TMEM178B: variants seen among roughly 807,000 people sequenced by gnomAD.
The protein encoded by TMEM178B is transmembrane protein 178B.
TMEM178B carries 5 observed loss-of-function variants against 31.0 expected under a neutral mutation model. That is an observed-to-expected ratio of 0.16 (90% CI 0.08 to 0.34). TMEM178B has a LOEUF of 0.34. TMEM178B is among the 10% of genes least tolerant of loss of function. The pLI is 1.00. For synonymous variants in TMEM178B, 164 were observed against 164.0 expected, an observed-to-expected ratio of 1.00 and a Z score of 0.00; for missense variants, 275 against 400.3, an observed-to-expected ratio of 0.69 and a Z score of 2.67.
chr7:141,122,047 C>G (rs1795416392), intron 1 of TMEM178B, among the ~76,000 whole-genome samples: 1 of 152,074 alleles, frequency 6.6e-6, no homozygotes. Flanking sequence ...AGGAGAAAAA[C>G]AAGTGTTATT....
At chr7:141,226,621 G>T (rs1255229468) in intron 2 of TMEM178B, among the ~76,000 whole-genome samples, 1 of 152,128 alleles carries the variant, frequency 6.6e-6, no homozygotes, top group Non-Finnish European at 1.5e-5. Context: ...GGGAGGCTAA[G>T]GCAGGTGGAT....
chr7:141,419,658 C>G (rs75869814), intron 2 of TMEM178B, among the ~76,000 whole-genome samples: 2,230 of 152,312 alleles, frequency 0.015, 34 homozygotes, highest in Non-Finnish European at 0.022. Flanking sequence ...AATCCAAGCT[C>G]TAAGCATGGC....
At chr7:141,208,482 T>C (rs1797001396) in intron 1 of TMEM178B, among the ~76,000 whole-genome samples, 1 of 152,250 alleles carries the variant, frequency 6.6e-6, no homozygotes, top group African/African-American at 2.4e-5. Context: ...CCCAGCACAC[T>C]GACAGGACCT....
chr7:141,256,699 A>G (rs1053878538), intron 2 of TMEM178B, among the ~76,000 whole-genome samples: 11 of 152,106 alleles, frequency 7.2e-5, no homozygotes, highest in African/African-American at 2.7e-4. Flanking sequence ...AGGGAGAAGG[A>G]TGGAAGGAAG....
At position 141,478,765 on chromosome 7, in the gene TMEM178B, G is replaced by C. The variant is rs1326643138; in HGVS notation, c.*7979G>C. The C allele has an allele frequency of 3.3e-5, 5 of 152,056 alleles. No individual in the cohort carries two copies. The highest frequency in any genetic ancestry group is 7.3e-5 in the Non-Finnish European group (5 of 68,034). 9.4% of individuals were successfully genotyped at this position (152,056 alleles called of 1,614,324 possible). On this transcript the variant is annotated 3_prime_UTR_variant, in exon 4 of 4. Coordinates refer to ENST00000565468, the MANE Select transcript of TMEM178B (RefSeq NM_001195278.2). The stretch of plus-strand genomic sequence containing the variant: ...TCAGTCTGGCCCAGCCCTATTTCCA[G>C]TGTTCAATAGCCACACCTGACTACT...
chr7:141,329,142 G>A (rs964350321), intron 2 of TMEM178B, among the ~76,000 whole-genome samples: 4 of 152,134 alleles, frequency 2.6e-5, no homozygotes, highest in African/African-American at 9.7e-5. Context: ...TCCCTGAGGG[G>A]CACATCTGTT....
chr7:141,432,910 G>A (rs1801463242), intron 2 of TMEM178B, among the ~76,000 whole-genome samples: 1 of 152,204 alleles, frequency 6.6e-6, no homozygotes, highest in African/African-American at 2.4e-5. Flanking sequence ...GCTAGTGTCT[G>A]TAGGTCTTTC....
rs993500517 is a variant in TMEM178B, at chr7:141,479,269, A to C, written c.*8483A>C. 1 of 152,322 alleles carries C rather than the reference A, an allele frequency of 6.6e-6. No homozygotes were observed. Among genetic ancestry groups the C allele is most frequent in the Middle Eastern group, 3.4e-3 (1 of 294 alleles). 9.4% of individuals were successfully genotyped at this position (152,322 alleles called of 1,614,324 possible). ...CCTGGGCCAGTCACCTGCTAATATC[A>C]TCTCACCAATATTTGGAGCTGTTTT... On this transcript the variant is annotated 3_prime_UTR_variant, in exon 4 of 4. Transcript: ENST00000565468.
chr7:141,171,142 A>G lies in TMEM178B; in HGVS notation c.383-41449A>G, dbSNP rs1796343917. ...TCTTCTAGTCTACTCTTAGCTCTTC[A>G]GGGTAGGCCTGTTGTTTATTTAAAA... On this transcript the variant is annotated intron_variant, in intron 1 of 3. Coordinates refer to ENST00000565468, the MANE Select transcript of TMEM178B (RefSeq NM_001195278.2). The surrounding 1 kb of genome is among the most constrained non-coding windows in gnomAD (Gnocchi z 4.3). Among the ~76,000 whole-genome samples the G allele has an allele frequency of 6.6e-6, 1 of 151,958 alleles. No individual in the cohort carries two copies. Among genetic ancestry groups the G allele is most frequent in the Admixed American group, 6.6e-5 (1 of 15,260 alleles).
At chr7:141,508,060 G>A in the TMEM178B span, among the ~76,000 whole-genome samples, 1 of 152,148 alleles carries the variant, frequency 6.6e-6, no homozygotes, top group Non-Finnish European at 1.5e-5. Flanking sequence ...ACTTAGTCAG[G>A]CTGCAAATTT....
chr7:141,100,207 C>CTTT (rs751136128), intron 1 of TMEM178B, among the ~76,000 whole-genome samples: 6 of 141,856 alleles, frequency 4.2e-5, no homozygotes, highest in Admixed American at 1.4e-4. Context: ...TCTGTAACAT[C>CTTT]TTTTTTTTTT....
intron 2 of TMEM178B, among the ~76,000 whole-genome samples, chr7:141,349,757 C>G (rs1799681673): frequency 6.6e-6 from 1 of 152,130 alleles, no homozygotes; most frequent in Non-Finnish European, 1.5e-5. Context: ...GTGTCAAGGC[C>G]TTTTAATTCT....
chr7:141,103,772 T>C (rs1795096830), intron 1 of TMEM178B, among the ~76,000 whole-genome samples: 1 of 152,222 alleles, frequency 6.6e-6, no homozygotes, highest in South Asian at 2.1e-4. Context: ...GTTTTTTCTA[T>C]TTATTTAAAA....
chr7:141,251,490 A>G (rs1423421882), intron 2 of TMEM178B, among the ~76,000 whole-genome samples: 1 of 152,102 alleles, frequency 6.6e-6, no homozygotes, highest in African/African-American at 2.4e-5. Flanking sequence ...CTGCAGCTGG[A>G]GATACTGCAA....
At chr7:141,510,079 A>G in the TMEM178B span, among the ~76,000 whole-genome samples, 2 of 152,198 alleles carry the variant, frequency 1.3e-5, no homozygotes, top group African/African-American at 4.8e-5. Flanking sequence ...CTTCTTAAGC[A>G]TGTTCATTTA....
chr7:141,086,060 C>T (rs189210553), intron 1 of TMEM178B, among the ~76,000 whole-genome samples: 39 of 151,812 alleles, frequency 2.6e-4, no homozygotes, highest in African/African-American at 9.0e-4. Flanking sequence ...TTTTTGAGAC[C>T]GAGTCTTACT....
At chr7:141,360,933 G>A (rs1799907975) in intron 2 of TMEM178B, among the ~76,000 whole-genome samples, 2 of 152,056 alleles carry the variant, frequency 1.3e-5, no homozygotes, top group African/African-American at 2.4e-5. Flanking sequence ...GTAATTCTTG[G>A]GAGCTGTAAG....
At chr7:141,293,930 A>G (rs901352264) in intron 2 of TMEM178B, among the ~76,000 whole-genome samples, 1 of 152,178 alleles carries the variant, frequency 6.6e-6, no homozygotes, top group Non-Finnish European at 1.5e-5. Context: ...TTATGTTGTT[A>G]TTTCCTTCTT....
intron 2 of TMEM178B, among the ~76,000 whole-genome samples, chr7:141,336,933 T>TCACCACCAC (rs1563155185): frequency 2.8e-5 from 1 of 35,238 alleles, no homozygotes. Context: ...ACCACCACCA[T>TCACCACCAC]CACCACCACC....
Sources: allele counts gnomAD v4.1 joint callset (sites outside exome capture counted in the v4.1 genomes callset), GRCh38; gene constraint gnomAD v4.1.1; non-coding constraint Gnocchi (gnomAD v3.1); transcripts MANE v1.5; gene names NCBI Gene and HGNC (gene_info 2026-07-23, HGNC 2026-07-21).